Variants in SBK1 observed in about 807,000 individuals in gnomAD.
SBK1 encodes serine/threonine-protein kinase SBK1.
SBK1 carries 11 observed loss-of-function variants against 24.4 expected under a neutral mutation model. That is an observed-to-expected ratio of 0.45 (90% CI 0.28 to 0.75). SBK1 has a LOEUF of 0.75. Ranked by LOEUF, SBK1 falls within the 30% of genes least tolerant of loss-of-function variation. The pLI is 0.12. For missense variants in SBK1, 467 were observed against 620.5 expected, an observed-to-expected ratio of 0.75 and a Z score of 2.63; for synonymous variants, 308 against 284.4, an observed-to-expected ratio of 1.08 and a Z score of -0.83.
At chr16:28,268,873 G>C (rs2044446077) in intron 1 of SBK1, among the ~76,000 whole-genome samples, 1 of 152,158 alleles carries the variant, frequency 6.6e-6, no homozygotes, top group African/African-American at 2.4e-5. Flanking sequence ...CAGGAGAGGA[G>C]CTCCAGTGTC....
chr16:28,264,405 C>T (rs1340092855), intron 1 of SBK1, among the ~76,000 whole-genome samples: 1 of 151,708 alleles, frequency 6.6e-6, no homozygotes, highest in African/African-American at 2.4e-5. Flanking sequence ...GAAACCCCAT[C>T]TCTACTAAAA....
chr16:28,284,907 G>A (rs1287575908), intron 1 of SBK1: 1 of 152,190 alleles, frequency 6.6e-6, no homozygotes, highest in Admixed American at 6.5e-5. Flanking sequence ...CACACCTACA[G>A]CTATAATAGA....
chr16:28,293,410 G>A, intron 1 of SBK1, 110 bp downstream of exon 1: 1 of 468,668 alleles, frequency 2.1e-6, no homozygotes, highest in Non-Finnish European at 2.8e-6. Flanking sequence ...CCCCAGCGTC[G>A]CCATGGAGCC....
chr16:28,261,688 A>G (rs190295929), intron 1 of SBK1, among the ~76,000 whole-genome samples: 2 of 152,272 alleles, frequency 1.3e-5, no homozygotes, highest in African/African-American at 2.4e-5. Context: ...AAAAAATACT[A>G]CACTCCCAGA....
At position 28,320,771 on chromosome 16, in the gene SBK1, G is replaced by A; in HGVS notation, c.1125G>A (p.Leu375=). ...CCCCCGCCGTCGGGTCGGTGCCCTT[G>A]CCCGTGCCGGTGCCGGTGCCAGTGC... ...PAPPAVGSVP[L]PVPVPVPVPV... Residue 375 remains leucine, a synonymous_variant, in exon 4 of 4, where the codon TTG becomes TTA. Transcript: ENST00000341901. The surrounding 1 kb of genome is among the most constrained non-coding windows in gnomAD (Gnocchi z 8.5). 1 of 1,395,574 alleles carries A rather than the reference G, an allele frequency of 7.2e-7. No homozygotes were observed. The highest frequency in any genetic ancestry group is 9.4e-7 in the Non-Finnish European group (1 of 1,069,372). 86.4% of individuals were successfully genotyped at this position (1,395,574 alleles called of 1,614,324 possible).
At chr16:28,265,481 A>G (rs1215541332) in intron 1 of SBK1, among the ~76,000 whole-genome samples, 1 of 151,560 alleles carries the variant, frequency 6.6e-6, no homozygotes. Flanking sequence ...GCTACTTGGG[A>G]GGAGGCTAAG....
chr16:28,276,155 G>A (rs932253621), intron 1 of SBK1, among the ~76,000 whole-genome samples: 6 of 152,162 alleles, frequency 3.9e-5, no homozygotes, highest in African/African-American at 1.4e-4. Context: ...TGGGAGCCAC[G>A]GTTTGTTTGA....
chr16:28,273,483 C>T (rs2141562996), intron 1 of SBK1, among the ~76,000 whole-genome samples: 1 of 152,328 alleles, frequency 6.6e-6, no homozygotes. Context: ...CTCGGCCTCC[C>T]AAAGTGCTGG....
In SBK1 at chr16:28,305,677, G is replaced by A. The variant is rs1474021716; in HGVS notation, c.-7-11708G>A. Among the ~76,000 whole-genome samples, 8 of 151,644 alleles carry A rather than the reference G, an allele frequency of 5.3e-5. No homozygotes were observed. In the South Asian group the frequency reaches 1.3e-3, roughly 24 times the overall value. ...CTCCCGAGTAGCTGGGATTACAGGC[G>A]CCTGCCACCACACCTGGCTACTTTT... On this transcript the variant is annotated intron_variant, in intron 1 of 3. Coordinates refer to ENST00000341901, the MANE Select transcript of SBK1 (RefSeq NM_001024401.3).
intron 1 of SBK1, among the ~76,000 whole-genome samples, chr16:28,307,729 G>C (rs2044726831): frequency 1.6e-5 from 2 of 125,800 alleles, no homozygotes; most frequent in South Asian, 4.9e-4. Flanking sequence ...AACAGAGTGA[G>C]ACTCAGTCTC....
chr16:28,311,825 C>A (rs2044756852), intron 1 of SBK1, among the ~76,000 whole-genome samples: 1 of 152,154 alleles, frequency 6.6e-6, no homozygotes, highest in Admixed American at 6.5e-5. Context: ...CAAACTGAGC[C>A]CACTGGACTG....
chr16:28,283,957 T>A (rs1212633683), intron 1 of SBK1, among the ~76,000 whole-genome samples: 2 of 152,078 alleles, frequency 1.3e-5, no homozygotes, highest in Non-Finnish European at 2.9e-5. Flanking sequence ...CCAGCAGCTC[T>A]CCCCGGTGAC....
At chr16:28,272,929 A>G (rs988481795) in intron 1 of SBK1, among the ~76,000 whole-genome samples, 1 of 151,534 alleles carries the variant, frequency 6.6e-6, no homozygotes, top group Non-Finnish European at 1.5e-5. Flanking sequence ...CTGTCATCGC[A>G]TATTTTTAAG....
At position 28,268,090 on chromosome 16, in the gene SBK1, T is replaced by C. The variant is rs1266764199; in HGVS notation, c.257+8588T>C. On this transcript the variant is annotated intron_variant, in intron 1 of 3. Coordinates refer to the SBK1 transcript ENST00000671413. ...TGAGCCTAGGAGTTTGAGACCAGCC[T>C]GGGCAACATGGTGAGACCCCATCTT... Among the ~76,000 whole-genome samples the C allele has an allele frequency of 1.3e-5, 2 of 152,164 alleles. 1 individual carries two copies. The highest frequency in any genetic ancestry group is 3.9e-4 in the East Asian group (2 of 5,184).
intron 2 of SBK1, 52 bp from the exon 3 acceptor site, chr16:28,318,943 G>A (rs373255454): frequency 1.2e-5 from 16 of 1,372,228 alleles, no homozygotes; most frequent in Non-Finnish European, 1.6e-5. Flanking sequence ...TGCATCCAGT[G>A]CGGAGGCACT....
At chr16:28,293,354 A>G in intron 1 of SBK1, 54 bp downstream of exon 1, 1 of 863,810 alleles carries the variant, frequency 1.2e-6, no homozygotes, top group Non-Finnish European at 1.4e-6. Flanking sequence ...AGGTCCCCAT[A>G]GCCCTGCAGG....
At position 28,292,965 on chromosome 16, in the gene SBK1, A is replaced by T. The variant is rs2044611999; in HGVS notation, c.-343A>T. ...AGTGCCCCCAGGCCGGGATTGCGAG[A>T]ACCCCCTCCCAAGATCCGGTCATTA... On this transcript the variant is annotated 5_prime_UTR_variant, in exon 1 of 4. Transcript: ENST00000341901. 1.0e-6 allele frequency: 1 copy of T among 979,004 alleles called. No homozygotes were observed. The highest frequency in any genetic ancestry group is 4.7e-5 in the South Asian group (1 of 21,144). The allele number at this position is 979,004 out of a possible 1,614,324, so 60.6% of individuals were successfully genotyped here. A position where few individuals can be genotyped will look rare whatever the true frequency, so the allele number is the denominator to read the frequency against.
At chr16:28,294,402 G>A (rs2044624354) in intron 1 of SBK1, among the ~76,000 whole-genome samples, 1 of 152,164 alleles carries the variant, frequency 6.6e-6, no homozygotes, top group Non-Finnish European at 1.5e-5. Context: ...ACAAACTGAG[G>A]CTCGGGAAGG....
chr16:28,308,009 G>A (rs1022924236), intron 1 of SBK1, among the ~76,000 whole-genome samples: 1 of 152,130 alleles, frequency 6.6e-6, no homozygotes, highest in Admixed American at 6.6e-5. Context: ...GGAACAAGCC[G>A]TCTTCTCTTT....
Sources: gnomAD v4.1 joint callset for allele counts (sites outside exome capture counted in the v4.1 genomes callset) on GRCh38, gnomAD v4.1.1 for gene constraint, Gnocchi (gnomAD v3.1) non-coding constraint, MANE v1.5 for transcripts, NCBI Gene and HGNC (gene_info 2026-07-23, HGNC 2026-07-21) for gene names.